RFX3: variants seen among roughly 807,000 people sequenced by gnomAD.
The protein encoded by RFX3 is transcription factor RFX3.
In RFX3, 14 loss-of-function variants were observed where a neutral mutation model predicts 98.6. That is an observed-to-expected ratio of 0.14 (90% CI 0.09 to 0.22). The LOEUF is 0.22. Ranked by LOEUF, RFX3 falls within the 10% of genes least tolerant of loss-of-function variation. The probability of loss-of-function intolerance (pLI) is 1.00; values close to 1 mark genes in which losing one functional copy is unlikely to be tolerated. For missense variants in RFX3, 639 were observed against 926.9 expected (o/e 0.69, Z 4.03); for synonymous variants, 383 against 328.4 (o/e 1.17, Z -1.80).
chr9:3,486,801 G>A (rs868090035), intron 1 of RFX3, among the ~76,000 whole-genome samples: 8 of 152,108 alleles, frequency 5.3e-5, no homozygotes, highest in Non-Finnish European at 1.0e-4. Flanking sequence ...CTTATTAAAC[G>A]TTATCATGTT....
At chr9:3,421,299 A>G (rs569462034) in intron 1 of RFX3, among the ~76,000 whole-genome samples, 1 of 152,332 alleles carries the variant, frequency 6.6e-6, no homozygotes, top group South Asian at 2.1e-4. Flanking sequence ...AGCTAACAAA[A>G]GCAATGGAGA....
chr9:3,515,545 T>C (rs543304879), intron 1 of RFX3, among the ~76,000 whole-genome samples: 8 of 151,986 alleles, frequency 5.3e-5, no homozygotes, highest in Non-Finnish European at 1.0e-4. Flanking sequence ...CTGGGGAAAA[T>C]ATGTAATGCA....
At chr9:3,289,642 T>C (rs1219369031) in intron 6 of RFX3, among the ~76,000 whole-genome samples, 3 of 152,194 alleles carry the variant, frequency 2.0e-5, no homozygotes, top group East Asian at 3.9e-4. Flanking sequence ...GAGTTTCTTT[T>C]TGGTTTCCTA....
At chr9:3,236,477 C>T (rs1456796939) in intron 15 of RFX3, among the ~76,000 whole-genome samples, 1 of 152,182 alleles carries the variant, frequency 6.6e-6, no homozygotes, top group Non-Finnish European at 1.5e-5. Flanking sequence ...TATCCTGGTC[C>T]TCTGGACAGT....
intron 1 of RFX3, among the ~76,000 whole-genome samples, chr9:3,476,154 TTAA>T (rs746585511): frequency 7.3e-5 from 11 of 150,572 alleles, no homozygotes; most frequent in Admixed American, 2.0e-4. Context: ...CTACAAATGA[TTAA>T]TGATACTCAT....
intron 14 of RFX3, among the ~76,000 whole-genome samples, chr9:3,256,727 T>A (rs1038524946): frequency 1.3e-5 from 2 of 152,178 alleles, no homozygotes; most frequent in African/African-American, 4.8e-5. Context: ...GACTGGAATC[T>A]CAGACGTTCC....
At chr9:3,419,346 T>G (rs1843250224) in intron 1 of RFX3, among the ~76,000 whole-genome samples, 1 of 152,192 alleles carries the variant, frequency 6.6e-6, no homozygotes, top group African/African-American at 2.4e-5. Flanking sequence ...TTTCTTTAAT[T>G]AAAATAATCT....
At chr9:3,229,267 C>T (rs1220924388) in intron 15 of RFX3, among the ~76,000 whole-genome samples, 2 of 152,164 alleles carry the variant, frequency 1.3e-5, no homozygotes, top group Admixed American at 6.5e-5. Context: ...CAGCTCCACC[C>T]CCTATACTTG....
chr9:3,475,548 C>G (rs1199885531), intron 1 of RFX3, among the ~76,000 whole-genome samples: 2 of 152,160 alleles, frequency 1.3e-5, no homozygotes, highest in African/African-American at 4.8e-5. Context: ...ACAGCTTATG[C>G]TACTATTTCT....
At chr9:3,348,252 T>C (rs1033440469) in intron 2 of RFX3, among the ~76,000 whole-genome samples, 4 of 152,136 alleles carry the variant, frequency 2.6e-5, no homozygotes, top group East Asian at 1.9e-4. Context: ...AACTGGTATA[T>C]GTTGGGGCTT....
chr9:3,283,860 G>T (rs1826238990), intron 7 of RFX3, among the ~76,000 whole-genome samples: 1 of 151,610 alleles, frequency 6.6e-6, no homozygotes, highest in Admixed American at 6.6e-5. Flanking sequence ...TTTATTACGT[G>T]TATTTCTGTT....
At chr9:3,339,823 C>T (rs1833654294) in intron 3 of RFX3, among the ~76,000 whole-genome samples, 1 of 152,118 alleles carries the variant, frequency 6.6e-6, no homozygotes, top group Non-Finnish European at 1.5e-5. Flanking sequence ...AATGGCCATA[C>T]TGCCCAAGGT....
chr9:3,254,901 G>A (rs2131076238), intron 14 of RFX3, among the ~76,000 whole-genome samples: 1 of 152,256 alleles, frequency 6.6e-6, no homozygotes, highest in South Asian at 2.1e-4. Context: ...ATGCATACTA[G>A]TGGGTCACAG....
intron 4 of RFX3, among the ~76,000 whole-genome samples, chr9:3,314,791 T>C (rs552009312): frequency 1.3e-5 from 2 of 151,960 alleles, no homozygotes; most frequent in South Asian, 2.1e-4. Context: ...CATTACATAA[T>C]GGTAAAGAGA....
chr9:3,521,242 TAATC>T (rs1263400252), intron 1 of RFX3, among the ~76,000 whole-genome samples: 1 of 152,152 alleles, frequency 6.6e-6, no homozygotes, highest in Non-Finnish European at 1.5e-5. Context: ...CTACATAAGA[TAATC>T]AACATATATG....
chr9:3,256,109 G>T (rs556917322), intron 14 of RFX3, among the ~76,000 whole-genome samples: 1 of 152,194 alleles, frequency 6.6e-6, no homozygotes, highest in South Asian at 2.1e-4. Context: ...TGGGACTACA[G>T]GCAACCCCAA....
At chr9:3,416,363 G>A (rs2132274075) in intron 1 of RFX3, among the ~76,000 whole-genome samples, 1 of 152,284 alleles carries the variant, frequency 6.6e-6, no homozygotes, top group African/African-American at 2.4e-5. Flanking sequence ...AAATCCAGGT[G>A]TAACTGACCT....
intron 2 of RFX3, among the ~76,000 whole-genome samples, chr9:3,352,706 T>C (rs910586033): frequency 5.9e-5 from 9 of 152,048 alleles, no homozygotes; most frequent in East Asian, 5.8e-4. Context: ...TTTTCAGTCA[T>C]GTGACAAAAG....
At chr9:3,443,968 G>C (rs1845823948) in intron 1 of RFX3, among the ~76,000 whole-genome samples, 1 of 152,190 alleles carries the variant, frequency 6.6e-6, no homozygotes, top group Admixed American at 6.5e-5. Flanking sequence ...TACAATGCTG[G>C]TTGGAATTTA....
Sources: allele counts gnomAD v4.1 joint callset (sites outside exome capture counted in the v4.1 genomes callset), GRCh38; gene constraint gnomAD v4.1.1; transcripts MANE v1.5; gene names NCBI Gene and HGNC (gene_info 2026-07-23, HGNC 2026-07-21).